Variants in PDZD2 observed in about 807,000 individuals in gnomAD.
The protein encoded by PDZD2 is PDZ domain-containing protein 2.
In PDZD2, 90 loss-of-function variants were observed where a neutral mutation model predicts 220.7. The observed-to-expected ratio is 0.41, with a 90% CI of 0.34 to 0.49. The LOEUF is 0.49. Ranked by LOEUF, PDZD2 falls within the 20% of genes least tolerant of loss-of-function variation. The probability of loss-of-function intolerance (pLI) is 0.28; values close to 1 mark genes in which losing one functional copy is unlikely to be tolerated. For missense variants in PDZD2, 3,174 were observed against 3,608.5 expected (o/e 0.88, Z 3.08); for synonymous variants, 1,375 against 1,450.5 (o/e 0.95, Z 1.18).
chr5:32,054,618 T>C (rs1253326466), intron 10 of PDZD2, among the ~76,000 whole-genome samples: 1 of 151,982 alleles, frequency 6.6e-6, no homozygotes, highest in Non-Finnish European at 1.5e-5. Flanking sequence ...AGCCACTGTG[T>C]CTGGCCCTAA....
intron 2 of PDZD2, among the ~76,000 whole-genome samples, chr5:31,885,473 A>G (rs1300733332): frequency 6.6e-6 from 1 of 152,222 alleles, no homozygotes; most frequent in South Asian, 2.1e-4. Flanking sequence ...ATCTGAACAC[A>G]TATTCACTCC....
At chr5:31,737,391 C>T (rs1334061515) in intron 1 of PDZD2, among the ~76,000 whole-genome samples, 1 of 152,022 alleles carries the variant, frequency 6.6e-6, no homozygotes, top group African/African-American at 2.4e-5. Context: ...CCAGGATGGT[C>T]TTGATCTCCT....
chr5:31,750,502 G>A (rs1011723642), intron 1 of PDZD2, among the ~76,000 whole-genome samples: 2 of 152,204 alleles, frequency 1.3e-5, no homozygotes, highest in Non-Finnish European at 2.9e-5. Flanking sequence ...AGGAGACAAA[G>A]CATGAACACA....
rs1743296573 is a variant in PDZD2 at position 32,092,956 on chromosome 5, G to A, written c.7777G>A (p.Val2593Ile). The change falls in exon 21 of 25, where the codon GTT (valine) becomes ATT (isoleucine). Residue 2593 changes from valine to isoleucine, a missense_variant. Val to Ile is a conservative substitution (Grantham distance 29, BLOSUM62 3). This residue lies in a region of PDZD2 where 631 missense variants were observed against 789.9 expected (regional missense o/e 0.80). Coordinates refer to ENST00000438447, the MANE Select transcript of PDZD2 (RefSeq NM_178140.4). ...SAGDQQRLQS[V>I]LSSVGSKSTI... is the part of the protein sequence containing the mutation. ...GGGGGACCAGCAAAGATTACAGTCT[G>A]TTTTATCGTCAGTGGGATCGAAATC... 1 of 1,608,168 alleles carries A rather than the reference G, an allele frequency of 6.2e-7. No homozygotes were observed. The highest frequency in any genetic ancestry group is 1.3e-5 in the African/African-American group (1 of 74,782).
chr5:32,006,007 C>A (rs1396078839), intron 5 of PDZD2, among the ~76,000 whole-genome samples: 1 of 151,962 alleles, frequency 6.6e-6, no homozygotes, highest in East Asian at 1.9e-4. Context: ...ATTAGCCAGG[C>A]ATGGTGGCGT....
At chr5:31,695,609 G>A (rs1747345274) in intron 1 of PDZD2, among the ~76,000 whole-genome samples, 3 of 152,218 alleles carry the variant, frequency 2.0e-5, no homozygotes, top group Admixed American at 2.0e-4. Flanking sequence ...TGATGCTCCT[G>A]AAATTTTGTG....
intron 2 of PDZD2, among the ~76,000 whole-genome samples, chr5:31,829,834 C>T (rs1032117374): frequency 4.6e-5 from 7 of 151,868 alleles, no homozygotes; most frequent in African/African-American, 1.4e-4. Flanking sequence ...GAGTGGATCA[C>T]TTGAGGTCAG....
At chr5:31,861,747 G>C (rs1368418138) in intron 2 of PDZD2, among the ~76,000 whole-genome samples, 2 of 152,154 alleles carry the variant, frequency 1.3e-5, no homozygotes, top group Non-Finnish European at 2.9e-5. Context: ...ACTTGGTATG[G>C]TTTCTTCCGT....
chr5:31,851,778 A>G (rs548466815), intron 2 of PDZD2, among the ~76,000 whole-genome samples: 2 of 152,354 alleles, frequency 1.3e-5, no homozygotes, highest in Non-Finnish European at 2.9e-5. Flanking sequence ...ACCAGATCAT[A>G]TCTTTCTGGC....
At chr5:31,704,951 G>A (rs946013791) in intron 1 of PDZD2, among the ~76,000 whole-genome samples, 1 of 152,044 alleles carries the variant, frequency 6.6e-6, no homozygotes, top group South Asian at 2.1e-4. Flanking sequence ...ATTTGAGGCT[G>A]GAAGTTCGAG....
Position 32,090,765 on chromosome 5 carries a change from T to A in PDZD2, c.7317T>A (p.Asp2439Glu), listed in dbSNP as rs768810667. ...CAGAGACCAGTAGCAAGGGCTCTGA[T>A]TCGGAACTAAAGAAATCACTTGGTC... Reference protein sequence around the residue: ...NPPETSSKGSDSELKKSLGPL... With the variant: ...NPPETSSKGSESELKKSLGPL... Residue 2439 changes from aspartate (D) to glutamate (E), a missense_variant, in exon 20 of 25, where the codon GAT becomes GAA. Physicochemically the swap from Asp to Glu is conservative, Grantham distance 45. This residue lies in a region of PDZD2 where 631 missense variants were observed against 789.9 expected (regional missense o/e 0.80). Coordinates refer to ENST00000438447, the MANE Select transcript of PDZD2 (RefSeq NM_178140.4). The surrounding 1 kb of genome is among the most constrained non-coding windows in gnomAD (Gnocchi z 4.3). The A allele has an allele frequency of 1.2e-6, 2 of 1,614,068 alleles. No individual in the cohort carries two copies. The highest frequency in any genetic ancestry group is 1.7e-6 in the Non-Finnish European group (2 of 1,180,008).
At chr5:32,050,330 C>T (rs1738405358) in intron 8 of PDZD2, among the ~76,000 whole-genome samples, 1 of 152,198 alleles carries the variant, frequency 6.6e-6, no homozygotes, top group Non-Finnish European at 1.5e-5. Context: ...GGAAACCCGA[C>T]AGCATTTGTA....
chr5:31,773,503 T>C (rs1314677237), intron 1 of PDZD2, among the ~76,000 whole-genome samples: 2 of 137,754 alleles, frequency 1.5e-5, no homozygotes, highest in Non-Finnish European at 3.0e-5. Context: ...AAAAAAAAAT[T>C]AGTGAAGCAT....
At chr5:31,995,435 A>T in intron 3 of PDZD2, 141 bp from the exon 4 acceptor site, 1 of 847,988 alleles carries the variant, frequency 1.2e-6, no homozygotes, top group Non-Finnish European at 1.9e-6. Flanking sequence ...TCCAATCGGC[A>T]GAATTCTTTT....
At chr5:31,880,955 C>T (rs1195172316) in intron 2 of PDZD2, among the ~76,000 whole-genome samples, 2 of 151,766 alleles carry the variant, frequency 1.3e-5, no homozygotes, top group Non-Finnish European at 2.9e-5. Context: ...GCGCCTACCA[C>T]CATGCCCGGC....
At chr5:31,862,207 C>T (rs973548420) in intron 2 of PDZD2, among the ~76,000 whole-genome samples, 3 of 143,028 alleles carry the variant, frequency 2.1e-5, no homozygotes, top group Admixed American at 7.5e-5. Context: ...AGGGTTCCAA[C>T]GATTCTCCTG....
chr5:32,085,667 G>A (rs796900253), intron 19 of PDZD2, among the ~76,000 whole-genome samples: 1 of 141,596 alleles, frequency 7.1e-6, no homozygotes, highest in Admixed American at 6.7e-5. Context: ...GGCTGGTCTC[G>A]AACTCTTGAC....
intron 1 of PDZD2, among the ~76,000 whole-genome samples, chr5:31,733,609 C>T (rs1396907290): frequency 6.6e-6 from 1 of 152,170 alleles, no homozygotes; most frequent in African/African-American, 2.4e-5. Flanking sequence ...GCTGGGGTTT[C>T]CAAGCTGGTA....
In PDZD2 at chr5:31,923,244, CAA is replaced by C. The variant is rs542723461; in HGVS notation, c.477-59910_477-59909del. 9.1e-4 allele frequency: 433 copies of C among 476,586 alleles called. 2 individuals carry two copies. The highest frequency in any genetic ancestry group is 8.2e-3 in the African/African-American group (416 of 50,432). The allele number at this position is 476,586 out of a possible 1,614,324, so 29.5% of individuals were successfully genotyped here. A position where few individuals can be genotyped will look rare whatever the true frequency, so the allele number is the denominator to read the frequency against. On this transcript the variant is annotated intron_variant, in intron 2 of 24. Transcript: ENST00000438447. ...TGCCATTGCACTCCAGCCTGGGCAA[CAA>C]GAGTGAAACTCCATCTCAATAAATA... is the stretch of plus-strand genomic sequence containing the variant.
Sources: allele counts gnomAD v4.1 joint callset (sites outside exome capture counted in the v4.1 genomes callset), GRCh38; gene constraint gnomAD v4.1.1; regional missense constraint gnomAD v4.1.1; non-coding constraint Gnocchi (gnomAD v3.1); transcripts MANE v1.5; gene names NCBI Gene and HGNC (gene_info 2026-07-23, HGNC 2026-07-21).